The following COX10 variants were observed in gnomAD, a reference collection of about 807,000 sequenced individuals.
The protein encoded by COX10 is cytochrome c oxidase assembly factor heme A:farnesyltransferase COX10.
In COX10, 27 loss-of-function variants were observed where a neutral mutation model predicts 37.3. The ratio of observed to expected loss-of-function variants is 0.72; its 90% CI spans 0.53 to 1.00. COX10 has a LOEUF of 1.00. Ranked by LOEUF, COX10 falls within the 50% of genes least tolerant of loss-of-function variation. The pLI is 0.00. For synonymous variants in COX10, 222 were observed against 229.1 expected, an observed-to-expected ratio of 0.97 and a Z score of 0.28; for missense variants, 475 against 563.2, an observed-to-expected ratio of 0.84 and a Z score of 1.59.
intron 4 of COX10, among the ~76,000 whole-genome samples, chr17:14,147,471 G>T (rs1904754658): frequency 6.6e-6 from 1 of 152,130 alleles, no homozygotes; most frequent in Non-Finnish European, 1.5e-5. Flanking sequence ...CATGGAGATA[G>T]AGAGTAGAAG....
At chr17:14,182,930 G>A (rs897735130) in intron 5 of COX10, among the ~76,000 whole-genome samples, 2 of 151,938 alleles carry the variant, frequency 1.3e-5, no homozygotes, top group East Asian at 1.9e-4. Context: ...CAATAAATAG[G>A]CACCAAATTA....
intron 4 of COX10, among the ~76,000 whole-genome samples, chr17:14,132,336 G>A (rs1274725339): frequency 6.6e-6 from 1 of 151,910 alleles, no homozygotes; most frequent in African/African-American, 2.4e-5. Context: ...GAGAATCCGT[G>A]TCGATGGTCA....
At chr17:14,138,179 C>T (rs1301394050) in intron 4 of COX10, among the ~76,000 whole-genome samples, 1 of 152,034 alleles carries the variant, frequency 6.6e-6, no homozygotes, top group Non-Finnish European at 1.5e-5. Context: ...TACACACATG[C>T]ACAAATAGAC....
intron 4 of COX10, among the ~76,000 whole-genome samples, chr17:14,130,342 C>T (rs1229672826): frequency 1.3e-5 from 2 of 152,064 alleles, no homozygotes; most frequent in Non-Finnish European, 2.9e-5. Flanking sequence ...ATTTGAAGCC[C>T]ATCACTGCCT....
At chr17:14,197,337 G>A (rs941041643) in intron 6 of COX10, among the ~76,000 whole-genome samples, 4 of 152,130 alleles carry the variant, frequency 2.6e-5, no homozygotes, top group Non-Finnish European at 5.9e-5. Flanking sequence ...ATTCCAGGGG[G>A]CCTTGAGCAC....
At chr17:14,071,608 G>A (rs1915022910) in intron 1 of COX10, among the ~76,000 whole-genome samples, 1 of 151,954 alleles carries the variant, frequency 6.6e-6, no homozygotes, top group Non-Finnish European at 1.5e-5. Context: ...CACTGGCCGG[G>A]CGCAGTAGCT....
At chr17:14,204,972 TG>T (rs1906651115) in intron 6 of COX10, among the ~76,000 whole-genome samples, 2 of 152,046 alleles carry the variant, frequency 1.3e-5, no homozygotes, top group Admixed American at 6.5e-5. Flanking sequence ...CTGAGTTTGG[TG>T]ACGTGCACCT....
intron 1 of COX10, 59 bp from the exon 2 acceptor site, chr17:14,074,264 A>C (rs1915094088): frequency 6.2e-7 from 1 of 1,607,296 alleles, no homozygotes. Flanking sequence ...AGGTGTAGTC[A>C]TCATTTGATA....
At chr17:14,073,289 C>A (rs1915069892) in intron 1 of COX10, among the ~76,000 whole-genome samples, 1 of 152,118 alleles carries the variant, frequency 6.6e-6, no homozygotes, top group Non-Finnish European at 1.5e-5. Flanking sequence ...GTGGACAGAT[C>A]TGACCTATAT....
intron 4 of COX10, among the ~76,000 whole-genome samples, chr17:14,144,206 A>G (rs553675710): frequency 1.1e-4 from 17 of 152,106 alleles, no homozygotes; most frequent in Non-Finnish European, 2.2e-4. Flanking sequence ...AGTATGTGGT[A>G]TAACCTTTTC....
intron 3 of COX10, among the ~76,000 whole-genome samples, chr17:14,087,110 T>C (rs894730779): frequency 6.6e-6 from 1 of 152,200 alleles, no homozygotes; most frequent in Admixed American, 6.5e-5. Context: ...TTGTTGAGCA[T>C]CTATTATGTT....
chr17:14,089,032 A>C (rs1320843264), intron 3 of COX10, among the ~76,000 whole-genome samples: 1 of 152,158 alleles, frequency 6.6e-6, no homozygotes, highest in African/African-American at 2.4e-5. Flanking sequence ...TCCAGCTGCA[A>C]GGGAGGTTTT....
At chr17:14,137,592 A>G (rs1056845801) in intron 4 of COX10, among the ~76,000 whole-genome samples, 2 of 151,996 alleles carry the variant, frequency 1.3e-5, no homozygotes, top group African/African-American at 4.8e-5. Context: ...AATTCTTCCC[A>G]TGTGGGTTAT....
In COX10 at chr17:14,069,596, C is replaced by T; in HGVS notation, c.-10C>T. 2 of 1,614,066 alleles carry T rather than the reference C, an allele frequency of 1.2e-6. No homozygotes were observed. The highest frequency in any genetic ancestry group is 2.2e-5 in the South Asian group (2 of 91,054). On this transcript the variant is annotated 5_prime_UTR_variant, in exon 1 of 7. Transcript: ENST00000261643. ...AGGGATCCCGGGGAGCGGCCCCAGA[C>T]TCGTAAATTATGGCCGCATCTCCGC...
chr17:14,148,255 G>T (rs892092319), intron 4 of COX10, among the ~76,000 whole-genome samples: 1 of 152,112 alleles, frequency 6.6e-6, no homozygotes, highest in Non-Finnish European at 1.5e-5. Context: ...AATGCCTCAT[G>T]GGGGAAAATC....
In COX10 at chr17:14,105,181, T is replaced by C. The variant is rs187971821; in HGVS notation, c.624+2939T>C. ...TTTTACCTAGATTACATATACGTGA[T>C]TTTTTAGACTGGTTATGTCAGTCAG... On this transcript the variant is annotated intron_variant, in intron 4 of 6. Coordinates refer to ENST00000261643, the MANE Select transcript of COX10 (RefSeq NM_001303.4). Among the ~76,000 whole-genome samples, 5 of 152,310 alleles carry C rather than the reference T, an allele frequency of 3.3e-5. No individual in the cohort carries two copies. In the East Asian group the frequency reaches 9.6e-4, roughly 29 times the overall value.
intron 4 of COX10, among the ~76,000 whole-genome samples, chr17:14,123,813 A>G (rs1001989758): frequency 6.6e-6 from 1 of 152,182 alleles, no homozygotes. Context: ...GGCTACCAAT[A>G]TGAGAACAAC....
chr17:14,081,380 G>A (rs867861779), intron 3 of COX10, among the ~76,000 whole-genome samples: 4 of 152,184 alleles, frequency 2.6e-5, no homozygotes, highest in African/African-American at 4.8e-5. Context: ...TAAGGAAATC[G>A]AATGAGTAGG....
chr17:14,147,365 A>G (rs1197805200), intron 4 of COX10, among the ~76,000 whole-genome samples: 3 of 152,190 alleles, frequency 2.0e-5, no homozygotes, highest in African/African-American at 7.2e-5. Context: ...ATGGAACTGG[A>G]AATCATTATG....
Sources: allele counts gnomAD v4.1 joint callset (sites outside exome capture counted in the v4.1 genomes callset), GRCh38; gene constraint gnomAD v4.1.1; transcripts MANE v1.5; gene names NCBI Gene and HGNC (gene_info 2026-07-23, HGNC 2026-07-21).